ERP44: variants seen among roughly 807,000 people sequenced by gnomAD.
The protein encoded by ERP44 is endoplasmic reticulum protein 44.
A neutral mutation model predicts 53.4 loss-of-function variants in ERP44; 25 were observed. The observed-to-expected ratio is 0.47, with a 90% CI of 0.34 to 0.65. The LOEUF (loss-of-function observed/expected upper bound fraction) is 0.65, where lower values mean the gene tolerates loss of function less well. Among genes scored for constraint, ERP44 ranks in the 30% least tolerant of loss-of-function variants. ERP44 has a pLI of 0.01. For missense variants in ERP44, 338 were observed against 493.2 expected (o/e 0.69, Z 2.98); for synonymous variants, 145 against 161.2 (o/e 0.90, Z 0.76).
intron 10 of ERP44, chr9:99,998,868 T>C: frequency 1.3e-6 from 2 of 1,521,794 alleles, no homozygotes; most frequent in Non-Finnish European, 1.8e-6. Flanking sequence ...CTTCTAGCAA[T>C]GAGCTCTCTT....
At chr9:100,020,989 A>G (rs888410363) in intron 5 of ERP44, among the ~76,000 whole-genome samples, 5 of 152,222 alleles carry the variant, frequency 3.3e-5, no homozygotes, top group Non-Finnish European at 5.9e-5. Context: ...ATAGATAACT[A>G]TTTGATCAGT....
At chr9:100,093,651 GA>G (rs34247708) in intron 1 of ERP44, among the ~76,000 whole-genome samples, 37 of 150,834 alleles carry the variant, frequency 2.5e-4, no homozygotes, top group South Asian at 6.4e-4. Context: ...TGTGGGGGGG[GA>G]AAAAAAAAGA....
intron 1 of ERP44, among the ~76,000 whole-genome samples, chr9:100,067,283 C>T (rs1426122682): frequency 1.3e-5 from 2 of 152,240 alleles, no homozygotes; most frequent in African/African-American, 2.4e-5. Flanking sequence ...CTCACTGCAA[C>T]CTCCCTGCCT....
chr9:100,011,981 G>A (rs1363358337), intron 8 of ERP44, among the ~76,000 whole-genome samples: 1 of 152,084 alleles, frequency 6.6e-6, no homozygotes, highest in Admixed American at 6.5e-5. Context: ...TGTCATGTAG[G>A]TGCTCAAAAA....
chr9:100,029,192 T>C lies in ERP44; in HGVS notation c.287-6966A>G, dbSNP rs1375120740. Among the ~76,000 whole-genome samples, 4 of 152,126 alleles carry C rather than the reference T, an allele frequency of 2.6e-5. No homozygotes were observed. In the East Asian group the frequency reaches 7.7e-4, roughly 29 times the overall value. On this transcript the variant is annotated intron_variant, in intron 4 of 11. Coordinates refer to ENST00000262455, the MANE Select transcript of ERP44 (RefSeq NM_015051.3). ...AAGCAAAAATAGACAAATGGGATTT[T>C]ATCAAACTAAAAAGCTTCTGTAGGG...
chr9:100,066,934 T>C (rs1275018631), intron 1 of ERP44, among the ~76,000 whole-genome samples: 1 of 152,048 alleles, frequency 6.6e-6, no homozygotes, highest in Non-Finnish European at 1.5e-5. Flanking sequence ...AACTAGAAGT[T>C]CAAAGAGAGG....
At chr9:100,033,078 A>G (rs1564094122) in intron 4 of ERP44, among the ~76,000 whole-genome samples, 2 of 152,236 alleles carry the variant, frequency 1.3e-5, no homozygotes, top group Non-Finnish European at 2.9e-5. Context: ...AATTTGGAGC[A>G]TATTTGTTTC....
rs1830596771 is a variant in ERP44 at position 100,022,105 on chromosome 9, G to T, written c.408C>A (p.Ile136=). The T allele has an allele frequency of 1.1e-5, 17 of 1,613,602 alleles. No individual in the cohort carries two copies. The highest frequency in any genetic ancestry group is 1.4e-5 in the Non-Finnish European group (17 of 1,179,824). The change falls in exon 5 of 12, where the codon ATC becomes ATA. Residue 136 remains isoleucine (I), a synonymous_variant. Coordinates refer to ENST00000262455, the MANE Select transcript of ERP44 (RefSeq NM_015051.3). The part of the protein sequence containing the change: ...QRSVKALADY[I]RQQKSDPIQE... ...GAATGGGGTCACTTTTTTGTTGCCT[G>T]ATGTAATCTGCCAATGCTTTCACTG...
chr9:100,060,078 T>G, intron 2 of ERP44, 22 bp downstream of exon 2: 1 of 1,424,804 alleles, frequency 7.0e-7, no homozygotes, highest in Non-Finnish European at 9.2e-7. Flanking sequence ...AGAGTACACT[T>G]TAAAAATATT....
intron 10 of ERP44, among the ~76,000 whole-genome samples, chr9:99,999,548 ATTTG>A (rs1361454368): frequency 3.9e-5 from 6 of 152,032 alleles, no homozygotes; most frequent in Non-Finnish European, 5.9e-5. Context: ...CTTACTATTG[ATTTG>A]TTTGGATTCT....
intron 4 of ERP44, among the ~76,000 whole-genome samples, chr9:100,037,532 A>T (rs752113188): frequency 5.3e-5 from 8 of 152,082 alleles, no homozygotes; most frequent in Non-Finnish European, 1.2e-4. Flanking sequence ...GGCTGCTGGC[A>T]TCACCCCTCC....
chr9:100,058,102 G>A (rs1413829702), intron 2 of ERP44, among the ~76,000 whole-genome samples: 1 of 152,032 alleles, frequency 6.6e-6, no homozygotes, highest in East Asian at 1.9e-4. Context: ...TGGAGACTGG[G>A]TCTCACTCTA....
chr9:100,014,302 G>A (rs890094211), intron 8 of ERP44, among the ~76,000 whole-genome samples: 1 of 151,894 alleles, frequency 6.6e-6, no homozygotes, highest in African/African-American at 2.4e-5. Flanking sequence ...TTCTTTTTTG[G>A]AGGGACGGGG....
chr9:100,079,980 T>C (rs1826406456), intron 1 of ERP44, among the ~76,000 whole-genome samples: 1 of 151,890 alleles, frequency 6.6e-6, no homozygotes, highest in Non-Finnish European at 1.5e-5. Context: ...CTTCAAAGAT[T>C]ATTCAGTTAT....
At chr9:100,073,156 A>G (rs924484465) in intron 1 of ERP44, among the ~76,000 whole-genome samples, 7 of 152,190 alleles carry the variant, frequency 4.6e-5, no homozygotes, top group African/African-American at 1.4e-4. Context: ...CCTGTAACAA[A>G]CTCAAAACTT....
Position 100,098,742 on chromosome 9 carries a change from C to T in ERP44, c.57+42G>A, listed in dbSNP as rs774516278. 10 of 1,556,232 alleles carry T rather than the reference C, an allele frequency of 6.4e-6. No homozygotes were observed. The East Asian group carries it at 2.3e-4, about 35-fold the overall frequency. On this transcript the variant is annotated intron_variant, in intron 1 of 11. Coordinates refer to ENST00000262455, the MANE Select transcript of ERP44 (RefSeq NM_015051.3). ...TTCCCCCTGGGCGAGGGCCGGAGGC[C>T]GTTCGTGCGTTTGTCGATGGGTCTG...
Position 100,093,641 on chromosome 9 carries a change from T to TG in ERP44, c.57+5142dup, listed in dbSNP as rs201471579. Among the ~76,000 whole-genome samples the TG allele has an allele frequency of 3.8e-3, 560 of 148,892 alleles. 6 individuals carry two copies. The highest frequency in any genetic ancestry group is 0.034 in the South Asian group (158 of 4,614). On this transcript the variant is annotated intron_variant, in intron 1 of 11. Coordinates refer to ENST00000262455, the MANE Select transcript of ERP44 (RefSeq NM_015051.3). ...CTGGGCTACACAGCAAGACCCTGTC[T>TG]GTGGGGGGGGAAAAAAAAAGAACTG... is the stretch of plus-strand genomic sequence containing the variant.
chr9:100,044,936 A>G lies in ERP44; in HGVS notation c.286+7481T>C, dbSNP rs564265560. On this transcript the variant is annotated intron_variant, in intron 4 of 11. Coordinates refer to ENST00000262455, the MANE Select transcript of ERP44 (RefSeq NM_015051.3). ...CATTTTAAGTTGTTTTTATTCAGAA[A>G]TGGGCGAATTCTCCATTTCTATGGG... Among the ~76,000 whole-genome samples, 340 of 152,284 alleles carry G rather than the reference A, an allele frequency of 2.2e-3. 1 individual carries two copies. The highest frequency in any genetic ancestry group is 7.8e-3 in the African/African-American group (323 of 41,562).
chr9:100,010,313 A>T (rs1166882805), intron 8 of ERP44, among the ~76,000 whole-genome samples: 3 of 152,260 alleles, frequency 2.0e-5, no homozygotes, highest in Non-Finnish European at 4.4e-5. Flanking sequence ...TACATGATTT[A>T]ATGGTTGGTT....
Sources: gnomAD v4.1 joint callset for allele counts (sites outside exome capture counted in the v4.1 genomes callset) on GRCh38, gnomAD v4.1.1 for gene constraint, MANE v1.5 for transcripts, NCBI Gene and HGNC (gene_info 2026-07-23, HGNC 2026-07-21) for gene names.